GRM7: variants seen among roughly 807,000 people sequenced by gnomAD.
GRM7 encodes the protein glutamate metabotropic receptor 7, also known as metabotropic glutamate receptor 7.
In GRM7, 35 loss-of-function variants were observed where a neutral mutation model predicts 84.5. The observed-to-expected ratio is 0.41, with a 90% CI of 0.32 to 0.55. The LOEUF (loss-of-function observed/expected upper bound fraction) is 0.55, where lower values mean the gene tolerates loss of function less well. Among genes scored for constraint, GRM7 ranks in the 20% least tolerant of loss-of-function variants. The probability of loss-of-function intolerance (pLI) is 0.19; values close to 1 mark genes in which losing one functional copy is unlikely to be tolerated. For synonymous variants in GRM7, 487 were observed against 455.1 expected (o/e 1.07, Z -0.89); for missense variants, 1,003 against 1,194.6 (o/e 0.84, Z 2.36).
intron 2 of GRM7, among the ~76,000 whole-genome samples, chr3:7,204,661 G>A (rs939903330): frequency 2.6e-5 from 4 of 152,234 alleles, no homozygotes; most frequent in African/African-American, 9.6e-5. Flanking sequence ...GAAGACCTGG[G>A]TAAAGTGTTA....
intron 1 of GRM7, among the ~76,000 whole-genome samples, chr3:6,975,285 G>A (rs978522321): frequency 6.6e-6 from 1 of 152,172 alleles, no homozygotes; most frequent in African/African-American, 2.4e-5. Context: ...TCTACCAGGA[G>A]TTGTCAAATC....
chr3:6,867,113 G>C (rs1348530995), intron 1 of GRM7, among the ~76,000 whole-genome samples: 1 of 152,160 alleles, frequency 6.6e-6, no homozygotes, highest in Non-Finnish European at 1.5e-5. Context: ...ATGTCTGTGA[G>C]TTTCTAGGAC....
intron 4 of GRM7, among the ~76,000 whole-genome samples, chr3:7,339,698 CAA>C (rs142941929): frequency 0.039 from 5,934 of 152,108 alleles, 236 homozygotes; most frequent in African/African-American, 0.1. Flanking sequence ...TGGCAAGGAA[CAA>C]AGTCAATCAT....
intron 1 of GRM7, among the ~76,000 whole-genome samples, chr3:7,131,281 C>G (rs1309640489): frequency 6.6e-6 from 1 of 152,038 alleles, no homozygotes; most frequent in African/African-American, 2.4e-5. Flanking sequence ...AACCTTTTGT[C>G]ACAGGGCCCT....
intron 9 of GRM7, among the ~76,000 whole-genome samples, chr3:7,705,622 G>A (rs1451581851): frequency 1.3e-5 from 2 of 152,176 alleles, no homozygotes; most frequent in African/African-American, 4.8e-5. Flanking sequence ...ACACAAAATG[G>A]ATGGGAAAGC....
intron 1 of GRM7, among the ~76,000 whole-genome samples, chr3:7,043,597 C>T (rs544344927): frequency 6.6e-6 from 1 of 152,230 alleles, no homozygotes; most frequent in South Asian, 2.1e-4. Context: ...GTTTGTTGCT[C>T]CATCTTGGCC....
chr3:7,033,804 A>G (rs1696278473), intron 1 of GRM7, among the ~76,000 whole-genome samples: 1 of 152,140 alleles, frequency 6.6e-6, no homozygotes, highest in Non-Finnish European at 1.5e-5. Context: ...GAAAATGGGG[A>G]CAGTTGGTCA....
intron 4 of GRM7, among the ~76,000 whole-genome samples, chr3:7,336,261 T>C (rs1701417019): frequency 6.6e-6 from 1 of 152,004 alleles, no homozygotes; most frequent in South Asian, 2.1e-4. Flanking sequence ...ATAAACTTGA[T>C]ATAGCACATA....
At chr3:7,626,479 C>G (rs1697618610) in intron 8 of GRM7, among the ~76,000 whole-genome samples, 1 of 152,186 alleles carries the variant, frequency 6.6e-6, no homozygotes. Context: ...AATGTATTTT[C>G]TCACAGTTCT....
intron 4 of GRM7, among the ~76,000 whole-genome samples, chr3:7,314,254 A>G (rs1044916679): frequency 6.6e-6 from 1 of 152,156 alleles, no homozygotes; most frequent in African/African-American, 2.4e-5. Flanking sequence ...TCATCTAACT[A>G]TGTCAGCAGC....
At chr3:7,376,390 C>T (rs1193169785) in intron 4 of GRM7, among the ~76,000 whole-genome samples, 1 of 152,164 alleles carries the variant, frequency 6.6e-6, no homozygotes, top group African/African-American at 2.4e-5. Flanking sequence ...TGCACCTACC[C>T]CACACCTATG....
intron 4 of GRM7, among the ~76,000 whole-genome samples, chr3:7,347,208 A>G (rs1269642344): frequency 6.6e-6 from 1 of 152,158 alleles, no homozygotes; most frequent in African/African-American, 2.4e-5. Context: ...AAATTTAAAT[A>G]GAGTGTTGTT....
intron 2 of GRM7, among the ~76,000 whole-genome samples, chr3:7,154,142 G>T (rs1694372588): frequency 6.6e-6 from 1 of 152,208 alleles, no homozygotes; most frequent in South Asian, 2.1e-4. Context: ...TCCAAGCAAT[G>T]TGGTAGCCAT....
chr3:6,956,434 T>G (rs752609493), intron 1 of GRM7: 46 of 397,158 alleles, frequency 1.2e-4, no homozygotes, highest in Non-Finnish European at 1.9e-4. Context: ...CAGACCTTTC[T>G]CTCTAAGACT....
chr3:7,056,523 T>TTA (rs1697228017), intron 1 of GRM7, among the ~76,000 whole-genome samples: 1 of 151,974 alleles, frequency 6.6e-6, no homozygotes, highest in South Asian at 2.1e-4. Flanking sequence ...CCACAAAACA[T>TTA]TATATATCAT....
intron 1 of GRM7, among the ~76,000 whole-genome samples, chr3:7,058,380 A>C (rs1697307185): frequency 6.6e-6 from 1 of 151,900 alleles, no homozygotes; most frequent in Admixed American, 6.6e-5. Context: ...TAATTGGTTA[A>C]TATAGAATAT....
chr3:7,343,480 C>G (rs1692742828), intron 4 of GRM7, among the ~76,000 whole-genome samples: 1 of 152,108 alleles, frequency 6.6e-6, no homozygotes, highest in Non-Finnish European at 1.5e-5. Context: ...TCCTAAAGTG[C>G]TGGGATTACA....
intron 4 of GRM7, among the ~76,000 whole-genome samples, chr3:7,331,746 A>T (rs1439628356): frequency 6.6e-6 from 1 of 152,212 alleles, no homozygotes; most frequent in African/African-American, 2.4e-5. Flanking sequence ...GCATAAAAGC[A>T]GTCTCTTTTC....
intron 7 of GRM7, among the ~76,000 whole-genome samples, chr3:7,531,559 A>G: frequency 6.6e-6 from 1 of 151,924 alleles, no homozygotes; most frequent in East Asian, 1.9e-4. Context: ...TAGGTATTTA[A>G]TTGTCTTGTA....
Sources: gnomAD v4.1 joint callset for allele counts (sites outside exome capture counted in the v4.1 genomes callset) on GRCh38, gnomAD v4.1.1 for gene constraint, MANE v1.5 for transcripts, NCBI Gene and HGNC (gene_info 2026-07-23, HGNC 2026-07-21) for gene names.